Variants in MTPN observed in about 807,000 individuals in gnomAD.
The protein encoded by MTPN is myotrophin, also known as granule cell differentiation protein.
MTPN carries 2 observed loss-of-function variants against 13.5 expected under a neutral mutation model. The ratio of observed to expected loss-of-function variants is 0.15; its 90% CI spans 0.06 to 0.47. The LOEUF is 0.47. Among genes scored for constraint, MTPN ranks in the 20% least tolerant of loss-of-function variants. The pLI, the probability that MTPN is intolerant of heterozygous loss-of-function variation, is 0.97. For missense variants in MTPN, 79 were observed against 137.9 expected (o/e 0.57, Z 2.14); for synonymous variants, 46 against 51.7 (o/e 0.89, Z 0.48).
At chr7:135,936,365 A>T (rs1162476659) in intron 3 of MTPN, among the ~76,000 whole-genome samples, 1 of 152,164 alleles carries the variant, frequency 6.6e-6, no homozygotes, top group Non-Finnish European at 1.5e-5. Context: ...GGCACCTGTA[A>T]TCCCAGCTAC....
chr7:135,949,023 A>C (rs1799325412), intron 3 of MTPN, among the ~76,000 whole-genome samples: 1 of 152,194 alleles, frequency 6.6e-6, no homozygotes, highest in Non-Finnish European at 1.5e-5. Context: ...GCCAATGCTG[A>C]GGAAGAGACC....
At chr7:135,940,379 A>G (rs995335917) in intron 3 of MTPN, among the ~76,000 whole-genome samples, 2 of 152,204 alleles carry the variant, frequency 1.3e-5, no homozygotes, top group Non-Finnish European at 2.9e-5. Flanking sequence ...TTTAATTTAC[A>G]TATTGATACA....
chr7:135,966,659 G>T (rs747117269), intron 1 of MTPN, among the ~76,000 whole-genome samples: 25 of 152,120 alleles, frequency 1.6e-4, no homozygotes, highest in Non-Finnish European at 3.4e-4. Context: ...GCTGTTTTTG[G>T]AAAGTGGTGT....
chr7:135,956,260 A>G (rs1204126124), intron 1 of MTPN, among the ~76,000 whole-genome samples: 1 of 152,206 alleles, frequency 6.6e-6, no homozygotes, highest in African/African-American at 2.4e-5. Flanking sequence ...CCTCCGGCCT[A>G]TACTTTAGGC....
At chr7:135,951,395 CA>C (rs1799361956) in intron 2 of MTPN, 121 bp downstream of exon 2, 2 of 505,180 alleles carry the variant, frequency 4.0e-6, no homozygotes, top group Non-Finnish European at 6.5e-6. Flanking sequence ...GGCATAATTT[CA>C]GACTGTATTC....
At chr7:135,952,890 T>C (rs1311415129) in intron 1 of MTPN, among the ~76,000 whole-genome samples, 1 of 152,088 alleles carries the variant, frequency 6.6e-6, no homozygotes, top group African/African-American at 2.4e-5. Context: ...GCCCAGGAAG[T>C]TGAGGCTGCA....
Position 135,929,816 on chromosome 7 carries a change from C to G in MTPN, c.*110G>C. 10 of 1,121,182 alleles carry G rather than the reference C, an allele frequency of 8.9e-6. No homozygotes were observed. The highest frequency in any genetic ancestry group is 6.7e-6 in the Non-Finnish European group (5 of 741,468). The allele number at this position is 1,121,182 out of a possible 1,614,324, so 69.5% of individuals were successfully genotyped here. ...TGAATTTCTCTCTCCCCTCACCCCT[C>G]TTAAAGTATTTAGCTGAAGAAGCTG... On this transcript the variant is annotated 3_prime_UTR_variant, in exon 4 of 4. Transcript: ENST00000393085.
At chr7:135,957,439 G>A (rs1039906220) in intron 1 of MTPN, among the ~76,000 whole-genome samples, 1 of 151,934 alleles carries the variant, frequency 6.6e-6, no homozygotes, top group Non-Finnish European at 1.5e-5. Flanking sequence ...CTGGCAACCC[G>A]AGATTAGCTT....
At chr7:135,956,586 A>T (rs1248728727) in intron 1 of MTPN, among the ~76,000 whole-genome samples, 2 of 152,152 alleles carry the variant, frequency 1.3e-5, no homozygotes, top group Non-Finnish European at 2.9e-5. Context: ...CTTTATACAG[A>T]GGACATGATC....
chr7:135,972,231 GCACACACACACACA>G (rs67168370), intron 1 of MTPN, among the ~76,000 whole-genome samples: 1 of 124,700 alleles, frequency 8.0e-6, no homozygotes, highest in Admixed American at 7.5e-5. Context: ...GCACGCGCGC[GCACACACACACACA>G]CACACACACA....
intron 3 of MTPN, among the ~76,000 whole-genome samples, chr7:135,930,222 T>C (rs1214873383): frequency 1.3e-5 from 2 of 152,230 alleles, no homozygotes; most frequent in Non-Finnish European, 2.9e-5. Flanking sequence ...CACTAAGAAT[T>C]GTAACCCAGG....
intron 3 of MTPN, among the ~76,000 whole-genome samples, chr7:135,948,945 G>C (rs1007758457): frequency 4.6e-5 from 7 of 152,134 alleles, no homozygotes; most frequent in Non-Finnish European, 8.8e-5. Flanking sequence ...AGGCGGGAAC[G>C]AAGGGTAAGG....
chr7:135,942,614 G>A (rs184782627), intron 3 of MTPN, among the ~76,000 whole-genome samples: 1 of 152,224 alleles, frequency 6.6e-6, no homozygotes, highest in East Asian at 1.9e-4. Flanking sequence ...GACTACTACG[G>A]TGATTAAATA....
intron 1 of MTPN, among the ~76,000 whole-genome samples, chr7:135,967,098 A>G (rs1347642836): frequency 6.6e-6 from 1 of 152,128 alleles, no homozygotes; most frequent in East Asian, 1.9e-4. Flanking sequence ...CCAGTCATTA[A>G]GACAAAACTC....
rs759525969 is a variant in MTPN at position 135,927,307 on chromosome 7, T to A, written c.*2619A>T. ...GTGAGCTATGCGTAGAAGAACTACT[T>A]GGGATATTCAAGTGCTGTATTTGAA... is the stretch of plus-strand genomic sequence containing the variant. On this transcript the variant is annotated 3_prime_UTR_variant, in exon 4 of 4. Coordinates refer to ENST00000393085, the MANE Select transcript of MTPN (RefSeq NM_145808.4). The A allele has an allele frequency of 1.6e-5, 25 of 1,550,378 alleles. No homozygotes were observed. Among genetic ancestry groups the A allele is most frequent in the Middle Eastern group, 1.7e-4 (1 of 6,008 alleles).
At chr7:135,970,114 A>G (rs188015227) in intron 1 of MTPN, among the ~76,000 whole-genome samples, 35 of 152,378 alleles carry the variant, frequency 2.3e-4, no homozygotes, top group Non-Finnish European at 4.1e-4. Flanking sequence ...CAAAATGTTT[A>G]TCATACGGGA....
chr7:135,956,069 A>C (rs1399193670), intron 1 of MTPN, among the ~76,000 whole-genome samples: 1 of 152,168 alleles, frequency 6.6e-6, no homozygotes, highest in Non-Finnish European at 1.5e-5. Flanking sequence ...AAGAAATAAA[A>C]GGCATCCATT....
intron 3 of MTPN, among the ~76,000 whole-genome samples, chr7:135,943,702 C>T (rs1799246553): frequency 6.6e-6 from 1 of 152,094 alleles, no homozygotes; most frequent in Non-Finnish European, 1.5e-5. Flanking sequence ...CGCTGCATAA[C>T]CATCAGTGGT....
chr7:135,927,671 C>T lies in MTPN; in HGVS notation c.*2255G>A. 1.7e-6 allele frequency: 1 copy of T among 587,602 alleles called. No individual in the cohort carries two copies. Among genetic ancestry groups the T allele is most frequent in the Admixed American group, 2.2e-5 (1 of 45,114 alleles). The allele number at this position is 587,602 out of a possible 1,614,324, so 36.4% of individuals were successfully genotyped here. On this transcript the variant is annotated 3_prime_UTR_variant, in exon 4 of 4. Transcript: ENST00000393085. ...CCTAGTTAAAAAAAGAAACTGTGAA[C>T]CATCTTGGTCAGTCTATTCTATTCT...
Sources: allele counts gnomAD v4.1 joint callset (sites outside exome capture counted in the v4.1 genomes callset), GRCh38; gene constraint gnomAD v4.1.1; transcripts MANE v1.5; gene names NCBI Gene and HGNC (gene_info 2026-07-23, HGNC 2026-07-21).